The following DPP6 variants were observed in gnomAD, a reference collection of about 807,000 sequenced individuals.
DPP6 encodes the protein dipeptidyl peptidase like 6, also known as A-type potassium channel modulatory protein DPP6.
In DPP6, 69 loss-of-function variants were observed where a neutral mutation model predicts 122.6. The observed-to-expected ratio is 0.56, with a 90% confidence interval of 0.46 to 0.69. The LOEUF (loss-of-function observed/expected upper bound fraction) is 0.69, where lower values mean the gene tolerates loss of function less well. Ranked by LOEUF, DPP6 falls within the 30% of genes least tolerant of loss-of-function variation. DPP6 has a pLI of 0.00. For synonymous variants in DPP6, 418 were observed against 433.1 expected, an observed-to-expected ratio of 0.97 and a Z score of 0.43; for missense variants, 928 against 1,116.9, an observed-to-expected ratio of 0.83 and a Z score of 2.41.
At chr7:154,205,781 A>AT (rs1157159678) in intron 1 of DPP6, among the ~76,000 whole-genome samples, 3 of 46,038 alleles carry the variant, frequency 6.5e-5, no homozygotes, top group Admixed American at 2.4e-4. Context: ...AAAAAAAAAA[A>AT]AAATTAATTA....
At chr7:154,430,574 T>C (rs188227828) in intron 1 of DPP6, among the ~76,000 whole-genome samples, 3 of 152,256 alleles carry the variant, frequency 2.0e-5, no homozygotes, top group Admixed American at 6.5e-5. Flanking sequence ...TGCTGTCACA[T>C]TGGGGAGTTA....
chr7:153,840,488 T>TAA, the DPP6 span, among the ~76,000 whole-genome samples: 127 of 149,608 alleles, frequency 8.5e-4, no homozygotes, highest in Middle Eastern at 3.4e-3. Context: ...AATAAAGAAT[T>TAA]AAAAAAAAAA....
intron 3 of DPP6, among the ~76,000 whole-genome samples, chr7:154,497,618 A>AAAAAAAAAAG (rs1563762793): frequency 1.5e-5 from 1 of 65,996 alleles, no homozygotes; most frequent in Non-Finnish European, 5.1e-5. Flanking sequence ...CCAAAAAAAG[A>AAAAAAAAAAG]AAAAAAAAAA....
intron 5 of DPP6, among the ~76,000 whole-genome samples, chr7:154,614,937 G>A (rs1259309342): frequency 6.6e-6 from 1 of 152,220 alleles, no homozygotes; most frequent in Non-Finnish European, 1.5e-5. Context: ...ACCGCTGTGA[G>A]TTTAACTGGG....
intron 1 of DPP6, among the ~76,000 whole-genome samples, chr7:154,361,952 G>A (rs941598408): frequency 6.6e-6 from 1 of 152,184 alleles, no homozygotes; most frequent in Non-Finnish European, 1.5e-5. Context: ...CTCACATCTG[G>A]AGTGTCAGGT....
intron 8 of DPP6, among the ~76,000 whole-genome samples, chr7:154,748,814 C>T (rs1843164014): frequency 6.6e-6 from 1 of 152,340 alleles, no homozygotes; most frequent in Non-Finnish European, 1.5e-5. Context: ...GAGGCCTTGT[C>T]CTGCAAGCCC....
chr7:153,814,071 G>C, the DPP6 span, among the ~76,000 whole-genome samples: 1 of 151,980 alleles, frequency 6.6e-6, no homozygotes, highest in Non-Finnish European at 1.5e-5. Context: ...CATTGCTTTT[G>C]GTGTTTTAGA....
At chr7:154,305,335 T>TTGGGCCCCCCCCCC in intron 1 of DPP6, 1 of 1,024,760 alleles carries the variant, frequency 9.8e-7, no homozygotes, top group Non-Finnish European at 1.2e-6. Context: ...TCGTCTTGTC[T>TTGGGCCCCCCCCCC]ACCCACCCTC....
intron 3 of DPP6, among the ~76,000 whole-genome samples, chr7:154,512,763 C>T (rs930091019): frequency 3.3e-5 from 5 of 152,154 alleles, no homozygotes; most frequent in African/African-American, 1.2e-4. Flanking sequence ...TGCTGGACCT[C>T]TTGTGGTTTC....
chr7:154,199,912 C>T (rs1799080638), intron 1 of DPP6, among the ~76,000 whole-genome samples: 1 of 152,116 alleles, frequency 6.6e-6, no homozygotes, highest in African/African-American at 2.4e-5. Flanking sequence ...CCTGCTTTCT[C>T]AGCTACTTTA....
intron 1 of DPP6, among the ~76,000 whole-genome samples, chr7:154,388,937 A>G (rs1317436581): frequency 6.6e-6 from 1 of 152,196 alleles, no homozygotes; most frequent in East Asian, 1.9e-4. Context: ...TTCCTTCTCA[A>G]ATATACTTGC....
rs558465693 is a variant in DPP6, at chr7:154,876,017, C to T, written c.1995C>T (p.Ser665=). The T allele has an allele frequency of 4.6e-5, 75 of 1,612,974 alleles. No homozygotes were observed. The highest frequency in any genetic ancestry group is 2.0e-4 in the Admixed American group (12 of 59,978). ...TGGTAAAGTGTGACGGCCGTGGCAG[C>T]GGCTTCCAAGGGACCAAGCTCCTGC... ...AVVVKCDGRG[S]GFQGTKLLHE... Residue 665 remains serine, a synonymous_variant, in exon 20 of 26, where the codon AGC becomes AGT. Transcript: ENST00000377770.
intron 1 of DPP6, among the ~76,000 whole-genome samples, chr7:154,061,053 C>G (rs1376780005): frequency 7.1e-6 from 1 of 140,514 alleles, no homozygotes; most frequent in South Asian, 2.3e-4. Flanking sequence ...GTGGGATTTA[C>G]GATCCGACGG....
chr7:154,798,787 T>C (rs974868014), intron 12 of DPP6, among the ~76,000 whole-genome samples: 8 of 152,240 alleles, frequency 5.3e-5, no homozygotes, highest in African/African-American at 1.9e-4. Flanking sequence ...ATGACATTGT[T>C]TTTTTCGTAA....
At chr7:154,332,738 C>G (rs1195714214) in intron 1 of DPP6, among the ~76,000 whole-genome samples, 1 of 152,208 alleles carries the variant, frequency 6.6e-6, no homozygotes, top group Non-Finnish European at 1.5e-5. Context: ...TCTCCCCCCT[C>G]CAACCTTAAA....
intron 1 of DPP6, among the ~76,000 whole-genome samples, chr7:154,306,916 A>G (rs1178163042): frequency 1.3e-5 from 2 of 152,214 alleles, no homozygotes; most frequent in African/African-American, 2.4e-5. Context: ...AAATATTTCC[A>G]CACTAAATTA....
At chr7:153,776,443 G>A in the DPP6 span, among the ~76,000 whole-genome samples, 3 of 152,076 alleles carry the variant, frequency 2.0e-5, no homozygotes, top group Admixed American at 6.6e-5. Context: ...GAAGAAGGAC[G>A]TGTTTGCTTC....
At chr7:154,769,369 T>A (rs1357072354) in intron 8 of DPP6, 48 bp from the exon 9 acceptor site, 20 of 1,606,154 alleles carry the variant, frequency 1.2e-5, no homozygotes, top group Non-Finnish European at 1.7e-5. Context: ...AGCTCCAATT[T>A]CCACTCACTT....
the DPP6 span, among the ~76,000 whole-genome samples, chr7:153,810,660 CCTCTCTCTCTCCTCTCTCTCTCTCT>C: frequency 3.1e-5 from 2 of 65,008 alleles, no homozygotes; most frequent in Admixed American, 1.3e-4. Flanking sequence ...CGCTCCCTCT[CCTCTCTCTCTCCTCTCTCTCTCTCT>C]CTCTCTCTCT....
Sources: gnomAD v4.1 joint callset for allele counts (sites outside exome capture counted in the v4.1 genomes callset) on GRCh38, gnomAD v4.1.1 for gene constraint, MANE v1.5 for transcripts, NCBI Gene and HGNC (gene_info 2026-07-23, HGNC 2026-07-21) for gene names.